The following KIAA0825 variants were observed in gnomAD, a reference collection of about 807,000 sequenced individuals.
KIAA0825 encodes the protein uncharacterized protein KIAA0825.
KIAA0825 carries 119 observed loss-of-function variants against 147.6 expected under a neutral mutation model. That is an observed-to-expected ratio of 0.81 (90% CI 0.69 to 0.94). The LOEUF (loss-of-function observed/expected upper bound fraction) is 0.94, where lower values mean the gene tolerates loss of function less well. Ranked by LOEUF, KIAA0825 falls within the 40% of genes least tolerant of loss-of-function variation. KIAA0825 has a pLI of 0.00. For synonymous variants in KIAA0825, 470 were observed against 518.1 expected, an observed-to-expected ratio of 0.91 and a Z score of 1.26; for missense variants, 1,381 against 1,472.7, an observed-to-expected ratio of 0.94 and a Z score of 1.02.
chr5:94,199,796 C>T (rs1365266273), intron 20 of KIAA0825, among the ~76,000 whole-genome samples: 3 of 152,030 alleles, frequency 2.0e-5, no homozygotes, highest in East Asian at 3.9e-4. Context: ...CAGCAAAGTG[C>T]GCACCAGTGG....
chr5:94,593,231 T>C, intron 1 of KIAA0825: 3 of 761,570 alleles, frequency 3.9e-6, no homozygotes, highest in Non-Finnish European at 4.9e-6. Flanking sequence ...ATTAAACTGC[T>C]GTCAGAATTT....
chr5:94,263,124 C>T (rs1776580487), intron 20 of KIAA0825, among the ~76,000 whole-genome samples: 1 of 152,094 alleles, frequency 6.6e-6, no homozygotes, highest in African/African-American at 2.4e-5. Context: ...CCACTAGGTA[C>T]TTCAGAAGTC....
chr5:94,410,535 GCA>G (rs1752624596), intron 15 of KIAA0825, among the ~76,000 whole-genome samples: 1 of 151,942 alleles, frequency 6.6e-6, no homozygotes, highest in Non-Finnish European at 1.5e-5. Context: ...CCAAAACAAG[GCA>G]CATCATAATC....
At chr5:94,423,401 T>C (rs1754447739) in intron 14 of KIAA0825, among the ~76,000 whole-genome samples, 1 of 152,182 alleles carries the variant, frequency 6.6e-6, no homozygotes, top group Admixed American at 6.5e-5. Context: ...GTTGCATGCA[T>C]TATTTTAAAC....
Position 94,386,276 on chromosome 5 carries a change from A to T in KIAA0825, c.3585T>A (p.Tyr1195Ter). ...CTAGCATGTTTTCACTAAACGCCTT[A>T]TACACATGGAAAGGGTTAAAGGCAG... is the stretch of plus-strand genomic sequence containing the variant. ...QPSAFNPFHV[Y>*]KAFSENMLDQ... Residue 1195 changes from tyrosine to a stop codon, truncating the protein, a stop_gained, in exon 19 of 21, where the codon TAT (tyrosine) becomes TAA (stop). Coordinates refer to ENST00000682413, the MANE Select transcript of KIAA0825 (RefSeq NM_001145678.3). LOFTEE classifies it high-confidence loss of function. The T allele has an allele frequency of 6.4e-7, 1 of 1,551,330 alleles. No individual in the cohort carries two copies. Among genetic ancestry groups the T allele is most frequent in the Non-Finnish European group, 8.7e-7 (1 of 1,146,758 alleles).
chr5:94,450,801 C>T (rs1758304049), intron 13 of KIAA0825, among the ~76,000 whole-genome samples: 2 of 152,124 alleles, frequency 1.3e-5, no homozygotes, highest in African/African-American at 2.4e-5. Flanking sequence ...ACAAAAAAGA[C>T]CTTACATAAT....
chr5:94,402,271 C>T (rs10476607), intron 16 of KIAA0825, among the ~76,000 whole-genome samples: 2,157 of 152,078 alleles, frequency 0.014, 62 homozygotes, highest in African/African-American at 0.05. Context: ...CAAAATTGTT[C>T]GTGAATAGAA....
intron 20 of KIAA0825, among the ~76,000 whole-genome samples, chr5:94,224,585 T>C (rs1320198172): frequency 1.3e-5 from 2 of 152,174 alleles, no homozygotes; most frequent in East Asian, 3.8e-4. Flanking sequence ...AACTGAATCA[T>C]GAGGTGATGA....
chr5:94,162,136 T>A (rs1767644700), intron 20 of KIAA0825, among the ~76,000 whole-genome samples: 2 of 152,176 alleles, frequency 1.3e-5, no homozygotes, highest in Non-Finnish European at 2.9e-5. Context: ...TACATCCTTC[T>A]TAACTTGATA....
At chr5:94,597,595 C>G (rs1031067812) in intron 1 of KIAA0825, among the ~76,000 whole-genome samples, 1 of 152,154 alleles carries the variant, frequency 6.6e-6, no homozygotes, top group Non-Finnish European at 1.5e-5. Flanking sequence ...CAGTACTACC[C>G]TGATATCCAA....
intron 18 of KIAA0825, among the ~76,000 whole-genome samples, chr5:94,390,855 A>T (rs976147904): frequency 5.3e-5 from 8 of 152,252 alleles, no homozygotes; most frequent in African/African-American, 1.7e-4. Flanking sequence ...ATTTGCAAAT[A>T]TAAACGCAAT....
At position 94,263,385 on chromosome 5, in the gene KIAA0825, C is replaced by T. The variant is rs1481262731; in HGVS notation, c.3711-109261G>A. The stretch of plus-strand genomic sequence containing the variant: ...TTTCCTGTTTGGAGAAACATTTGAC[C>T]TCTTACTTCATTCTTTCCCACTTAA... On this transcript the variant is annotated intron_variant, in intron 20 of 20. Coordinates refer to ENST00000682413, the MANE Select transcript of KIAA0825 (RefSeq NM_001145678.3). Among the ~76,000 whole-genome samples, 4 of 152,058 alleles carry T rather than the reference C, an allele frequency of 2.6e-5. No individual in the cohort carries two copies. In the East Asian group the frequency reaches 7.7e-4, roughly 29 times the overall value.
At chr5:94,172,629 G>C (rs1186796587) in intron 20 of KIAA0825, among the ~76,000 whole-genome samples, 2 of 152,094 alleles carry the variant, frequency 1.3e-5, no homozygotes, top group African/African-American at 4.8e-5. Flanking sequence ...GCTTCTTTAA[G>C]TTAGAAGGCT....
chr5:94,299,044 C>G (rs376340076), intron 20 of KIAA0825, among the ~76,000 whole-genome samples: 1 of 152,042 alleles, frequency 6.6e-6, no homozygotes, highest in Non-Finnish European at 1.5e-5. Context: ...CAGCATATTG[C>G]ACATCACCAA....
At chr5:94,261,727 C>A (rs1357099298) in intron 20 of KIAA0825, among the ~76,000 whole-genome samples, 1 of 152,136 alleles carries the variant, frequency 6.6e-6, no homozygotes, top group Non-Finnish European at 1.5e-5. Flanking sequence ...TGTGTATCAT[C>A]CCTGAACATA....
chr5:94,553,730 C>T (rs1019443869), intron 2 of KIAA0825, among the ~76,000 whole-genome samples: 1 of 150,672 alleles, frequency 6.6e-6, no homozygotes, highest in Admixed American at 6.6e-5. Context: ...CGCGCCATTG[C>T]ACTCCTTCCT....
At chr5:94,413,262 T>G (rs1753007086) in intron 15 of KIAA0825, 1 of 152,184 alleles carries the variant, frequency 6.6e-6, no homozygotes, top group African/African-American at 2.4e-5. Flanking sequence ...GTATATGGAT[T>G]TTTTAAGAAG....
At chr5:94,610,607 CA>C in intron 1 of KIAA0825, among the ~76,000 whole-genome samples, 2 of 144,958 alleles carry the variant, frequency 1.4e-5, no homozygotes, top group Non-Finnish European at 1.5e-5. Context: ...TACTAAAATA[CA>C]AAAAAAATTA....
intron 12 of KIAA0825, among the ~76,000 whole-genome samples, chr5:94,462,114 C>T (rs1759910355): frequency 6.6e-6 from 1 of 151,870 alleles, no homozygotes; most frequent in African/African-American, 2.4e-5. Flanking sequence ...AATAGTGAAA[C>T]TAAAAATGTT....
Sources: gnomAD v4.1 joint callset for allele counts (sites outside exome capture counted in the v4.1 genomes callset) on GRCh38, gnomAD v4.1.1 for gene constraint, MANE v1.5 for transcripts, NCBI Gene and HGNC (gene_info 2026-07-23, HGNC 2026-07-21) for gene names.